Variants in TULP3 observed in about 807,000 individuals in gnomAD.
TULP3 encodes tubby-related protein 3.
TULP3 carries 38 observed loss-of-function variants against 50.7 expected under a neutral mutation model. The observed-to-expected ratio is 0.75, with a 90% CI of 0.58 to 0.98. The LOEUF is 0.98. Among genes scored for constraint, TULP3 ranks in the 50% least tolerant of loss-of-function variants. The pLI, the probability that TULP3 is intolerant of heterozygous loss-of-function variation, is 0.00. For synonymous variants in TULP3, 183 were observed against 196.6 expected, an observed-to-expected ratio of 0.93 and a Z score of 0.58; for missense variants, 550 against 568.0, an observed-to-expected ratio of 0.97 and a Z score of 0.32.
chr12:2,925,871 A>C (rs1003900794), intron 4 of TULP3, among the ~76,000 whole-genome samples: 5 of 152,186 alleles, frequency 3.3e-5, no homozygotes, highest in Non-Finnish European at 5.9e-5. Flanking sequence ...CTCCTTGTGC[A>C]CTGCTCTATG....
rs989946234 is a variant in TULP3, at chr12:2,895,413, G to A, written c.41+4425G>A. 5.3e-5 allele frequency among the ~76,000 whole-genome samples: 8 copies of A among 152,320 alleles called. No homozygotes were observed. In the East Asian group the frequency reaches 1.5e-3, roughly 29 times the overall value. ...AGAATACTAACATTTCTCCCTAGATGAGGAAGGATAGATGTCAAAGGAATT... is the reference window on the plus strand; with the variant it reads ...AGAATACTAACATTTCTCCCTAGATAAGGAAGGATAGATGTCAAAGGAATT... On this transcript the variant is annotated intron_variant, in intron 1 of 10. Coordinates refer to ENST00000448120, the MANE Select transcript of TULP3 (RefSeq NM_003324.5).
chr12:2,924,903 C>G (rs992619834), intron 4 of TULP3, among the ~76,000 whole-genome samples: 1 of 151,736 alleles, frequency 6.6e-6, no homozygotes, highest in Non-Finnish European at 1.5e-5. Flanking sequence ...TAGGGCTGGG[C>G]GCTATGGCTT....
At position 2,899,776 on chromosome 12, in the gene TULP3, T is replaced by C. The variant is rs527818435; in HGVS notation, c.41+8788T>C. Among the ~76,000 whole-genome samples, 500 of 151,534 alleles carry C rather than the reference T, an allele frequency of 3.3e-3. 5 individuals are homozygous for C. Among genetic ancestry groups the C allele is most frequent in the African/African-American group, 0.012 (479 of 41,282 alleles). On this transcript the variant is annotated intron_variant, in intron 1 of 10. Transcript: ENST00000448120. ...GGTGTGGTGGCAGGTGCCTGTAGTC[T>C]TAGTTACTCGGGAGGCTGAGGCAGG...
intron 1 of TULP3, among the ~76,000 whole-genome samples, chr12:2,891,721 C>T (rs1417338035): frequency 6.6e-6 from 1 of 152,108 alleles, no homozygotes; most frequent in Non-Finnish European, 1.5e-5. Context: ...AAGCCCTACA[C>T]GCCAACTGTA....
At chr12:2,935,749 G>C (rs2098200843) in intron 8 of TULP3, among the ~76,000 whole-genome samples, 2 of 151,820 alleles carry the variant, frequency 1.3e-5, no homozygotes, top group African/African-American at 4.8e-5. Context: ...GAGGTGGGCA[G>C]ATCACTTGAG....
At chr12:2,901,312 C>CTTTCT (rs1555111655) in intron 1 of TULP3, among the ~76,000 whole-genome samples, 2 of 104,146 alleles carry the variant, frequency 1.9e-5, no homozygotes, top group African/African-American at 3.9e-5. Flanking sequence ...TTCTTTCTTT[C>CTTTCT]TTTTTTTTTT....
Position 2,940,772 on chromosome 12 carries a change from C to A in TULP3, c.*1328C>A. The A allele has an allele frequency of 6.7e-7, 1 of 1,481,768 alleles. No individual in the cohort carries two copies. The highest frequency in any genetic ancestry group is 1.3e-5 in the South Asian group (1 of 76,828). 91.8% of individuals were successfully genotyped at this position (1,481,768 alleles called of 1,614,324 possible). ...GCGGGACCCTTGGCTTGTCCCCCAC[C>A]GACAAGTCCCACCTGCTGGGTGAGG... is the stretch of plus-strand genomic sequence containing the variant. On this transcript the variant is annotated 3_prime_UTR_variant, in exon 11 of 11. Transcript: ENST00000448120.
At chr12:2,907,227 C>G (rs2153948667) in intron 1 of TULP3, among the ~76,000 whole-genome samples, 1 of 152,152 alleles carries the variant, frequency 6.6e-6, no homozygotes. Flanking sequence ...AATCCCAGCA[C>G]TTGGGGAGAC....
In TULP3 at chr12:2,939,665, C is replaced by T. The variant is rs2098203551; in HGVS notation, c.*221C>T. The T allele has an allele frequency of 1.4e-6, 2 of 1,397,630 alleles. No individual in the cohort carries two copies. The highest frequency in any genetic ancestry group is 3.1e-5 in the Admixed American group (1 of 32,782). 86.6% of individuals were successfully genotyped at this position (1,397,630 alleles called of 1,614,324 possible). On this transcript the variant is annotated 3_prime_UTR_variant, in exon 11 of 11. Coordinates refer to ENST00000448120, the MANE Select transcript of TULP3 (RefSeq NM_003324.5). This position sits in a 1 kb window ranked among gnomAD's most constrained non-coding sequence, Gnocchi z 4.0. ...ACACACGAAGAGCAATAGTTTGCCC[C>T]TTTTGGAACGACCCCTGAATATATA...
chr12:2,897,137 G>A (rs754439138), intron 1 of TULP3, among the ~76,000 whole-genome samples: 51 of 152,160 alleles, frequency 3.4e-4, no homozygotes, highest in Non-Finnish European at 3.1e-4. Flanking sequence ...AGCCTCCTGA[G>A]TAGGTAGGAT....
intron 1 of TULP3, among the ~76,000 whole-genome samples, chr12:2,894,952 A>C (rs1438079715): frequency 6.6e-6 from 1 of 152,200 alleles, no homozygotes; most frequent in Non-Finnish European, 1.5e-5. Context: ...AACATTCCCG[A>C]AGAGAGAAAA....
Position 2,940,783 on chromosome 12 carries a change from AC to A in TULP3, c.*1341del. On this transcript the variant is annotated 3_prime_UTR_variant, in exon 11 of 11. Coordinates refer to ENST00000448120, the MANE Select transcript of TULP3 (RefSeq NM_003324.5). The stretch of plus-strand genomic sequence containing the variant: ...GGCTTGTCCCCCACCGACAAGTCCC[AC>A]CTGCTGGGTGAGGACGAGACTGTTT... 1 of 1,430,516 alleles carries A rather than the reference AC, an allele frequency of 7.0e-7. No homozygotes were observed. The highest frequency in any genetic ancestry group is 9.5e-7 in the Non-Finnish European group (1 of 1,053,884). The allele number at this position is 1,430,516 out of a possible 1,614,324, so 88.6% of individuals were successfully genotyped here.
At position 2,937,701 on chromosome 12, in the gene TULP3, A is replaced by T; in HGVS notation, c.995A>T (p.His332Leu). Residue 332 changes from histidine (H) to leucine (L), a missense_variant, in exon 9 of 11, where the codon CAT becomes CTT. Physicochemically the swap from His to Leu is moderately conservative, Grantham distance 99. Coordinates refer to ENST00000448120, the MANE Select transcript of TULP3 (RefSeq NM_003324.5). ...ATCATTCCTGGAATGACACTGAATCATAAGCAGATCCCCTATCAGCCACAA... is the reference window on the plus strand; with the variant it reads ...ATCATTCCTGGAATGACACTGAATCTTAAGCAGATCCCCTATCAGCCACAA... ...SVIIPGMTLN[H>L]KQIPYQPQNN... The T allele has an allele frequency of 6.2e-7, 1 of 1,613,360 alleles. No individual in the cohort carries two copies. The highest frequency in any genetic ancestry group is 1.1e-5 in the South Asian group (1 of 90,854).
At chr12:2,934,827 G>A (rs1399782394) in intron 8 of TULP3, among the ~76,000 whole-genome samples, 2 of 151,852 alleles carry the variant, frequency 1.3e-5, no homozygotes, top group Non-Finnish European at 2.9e-5. Context: ...TTACCCAGTG[G>A]CCAAAGGTTA....
chr12:2,938,003 C>A, intron 9 of TULP3, 111 bp from the exon 10 acceptor site: 1 of 1,225,552 alleles, frequency 8.2e-7, no homozygotes, highest in Non-Finnish European at 1.1e-6. Context: ...GGCTTTCATT[C>A]TTCGCTTCTG....
In TULP3 at chr12:2,938,252, G is replaced by C. The variant is rs1482527285; in HGVS notation, c.1162G>C (p.Val388Leu). 2 of 1,614,140 alleles carry C rather than the reference G, an allele frequency of 1.2e-6. No homozygotes were observed. The highest frequency in any genetic ancestry group is 8.5e-7 in the Non-Finnish European group (1 of 1,180,008). ...CCGTGGCCGGGTCACTCAGGCGTCT[G>C]TGAAGAACTTCCAGATAGTCCACAA... Reference protein sequence around the residue: ...NFRGRVTQASVKNFQIVHKND... With the variant: ...NFRGRVTQASLKNFQIVHKND... The change falls in exon 10 of 11, where the codon GTG becomes CTG. Residue 388 changes from valine to leucine, a missense_variant. By Grantham distance (32) the Val-to-Leu change is conservative. Coordinates refer to ENST00000448120, the MANE Select transcript of TULP3 (RefSeq NM_003324.5).
intron 9 of TULP3, 70 bp downstream of exon 9, chr12:2,937,799 C>CAA (rs369423699): frequency 2.0e-3 from 1,437 of 719,024 alleles, no homozygotes; most frequent in Middle Eastern, 3.4e-3. Context: ...GAGATTAATA[C>CAA]AAAAAAAAAA....
At position 2,930,812 on chromosome 12, in the gene TULP3, TTC is replaced by T. The variant is rs1346276879; in HGVS notation, c.493-223_493-222del. 6 of 601,990 alleles carry T rather than the reference TTC, an allele frequency of 1.0e-5. No homozygotes were observed. The African/African-American group carries it at 1.1e-4, about 11-fold the overall frequency. 37.3% of individuals were successfully genotyped at this position (601,990 alleles called of 1,614,324 possible). A position where few individuals can be genotyped will look rare whatever the true frequency, so the allele number is the denominator to read the frequency against. On this transcript the variant is annotated intron_variant, in intron 5 of 10. Coordinates refer to ENST00000448120, the MANE Select transcript of TULP3 (RefSeq NM_003324.5). ...CAAATTTAGTTTATGATCTAATTTT[TTC>T]TGTCTCAGGTCAGCTATTGTGAGGC... is the stretch of plus-strand genomic sequence containing the variant.
chr12:2,933,412 T>C lies in TULP3; in HGVS notation c.697-6T>C. 1.2e-6 allele frequency: 2 copies of C among 1,601,040 alleles called. No homozygotes were observed. Among genetic ancestry groups the C allele is most frequent in the Non-Finnish European group, 1.7e-6 (2 of 1,168,322 alleles). ...CATTTTTGACTGACACTTTTTCTTT[T>C]CCCAGATATTTCTTCTTGCAGCTAG... On this transcript the variant is annotated splice_region_variant and splice_polypyrimidine_tract_variant and intron_variant, in intron 6 of 10. Transcript: ENST00000448120.
Sources: allele counts gnomAD v4.1 joint callset (sites outside exome capture counted in the v4.1 genomes callset), GRCh38; gene constraint gnomAD v4.1.1; non-coding constraint Gnocchi (gnomAD v3.1); transcripts MANE v1.5; gene names NCBI Gene and HGNC (gene_info 2026-07-23, HGNC 2026-07-21).